Variants in TTC23 observed in about 807,000 individuals in gnomAD.
TTC23 encodes the protein tetratricopeptide repeat domain 23.
In TTC23, 58 loss-of-function variants were observed where a neutral mutation model predicts 55.1. The ratio of observed to expected loss-of-function variants is 1.05; its 90% CI spans 0.85 to 1.31. The LOEUF (loss-of-function observed/expected upper bound fraction) is 1.31. Among genes scored for constraint, TTC23 ranks in the 50% most tolerant of loss-of-function variants. The probability of loss-of-function intolerance (pLI) is 0.00; values close to 1 mark genes in which losing one functional copy is unlikely to be tolerated. For synonymous variants in TTC23, 203 were observed against 199.9 expected (o/e 1.02, Z -0.13); for missense variants, 516 against 534.4 (o/e 0.97, Z 0.34).
intron 12 of TTC23, chr15:99,140,052 C>T (rs1268745852): frequency 1.4e-5 from 3 of 217,980 alleles, no homozygotes; most frequent in Non-Finnish European, 2.8e-5. Flanking sequence ...GAGGAACTTG[C>T]TTTACTGAAT....
At chr15:99,158,159 G>A (rs1421211947) in intron 11 of TTC23, 1 of 152,240 alleles carries the variant, frequency 6.6e-6, no homozygotes, top group African/African-American at 2.4e-5. Context: ...TAACTCAGCA[G>A]TGAGGCCCCA....
chr15:99,184,444 C>T (rs1000943677), intron 9 of TTC23, among the ~76,000 whole-genome samples: 3 of 152,228 alleles, frequency 2.0e-5, no homozygotes, highest in African/African-American at 7.2e-5. Context: ...CCTCTTACAT[C>T]AGCATGACCT....
intron 12 of TTC23, among the ~76,000 whole-genome samples, chr15:99,142,545 T>G (rs2068357399): frequency 1.3e-5 from 2 of 152,168 alleles, no homozygotes; most frequent in African/African-American, 4.8e-5. Flanking sequence ...ACTGTAACAG[T>G]TAGTTGAGAC....
At chr15:99,147,264 C>T (rs1405550674) in intron 12 of TTC23, among the ~76,000 whole-genome samples, 2 of 136,160 alleles carry the variant, frequency 1.5e-5, no homozygotes, top group African/African-American at 2.7e-5. Context: ...CTCGCTCTGT[C>T]ACCCAGGCTG....
rs181099455 is a variant in TTC23, at chr15:99,197,392, A to G, written c.759+2527T>C. The stretch of plus-strand genomic sequence containing the variant: ...GCTGGGATTACAGGTGTGAGCCACC[A>G]CGCCCGGCCTGGTTTCTGTTCTTAT... On this transcript the variant is annotated intron_variant, in intron 9 of 13. Transcript: ENST00000394132. Among the ~76,000 whole-genome samples the G allele has an allele frequency of 1.1e-3, 169 of 151,732 alleles. 1 individual carries two copies. The highest frequency in any genetic ancestry group is 3.4e-3 in the Middle Eastern group (1 of 294).
intron 8 of TTC23, among the ~76,000 whole-genome samples, chr15:99,210,145 GTCA>G (rs2076931254): frequency 6.6e-6 from 1 of 151,914 alleles, no homozygotes; most frequent in Non-Finnish European, 1.5e-5. Context: ...CTAATAACAT[GTCA>G]TTTTAAAACA....
At chr15:99,225,523 C>T (rs1056800740) in intron 5 of TTC23, among the ~76,000 whole-genome samples, 3 of 152,176 alleles carry the variant, frequency 2.0e-5, no homozygotes, top group South Asian at 2.1e-4. Context: ...GGGTCTCTCA[C>T]TGGCAGATAC....
intron 9 of TTC23, among the ~76,000 whole-genome samples, chr15:99,189,774 A>G (rs1490087144): frequency 2.6e-5 from 4 of 152,234 alleles, no homozygotes; most frequent in Non-Finnish European, 5.9e-5. Flanking sequence ...AGCCATGACA[A>G]CTAAATGTAA....
chr15:99,237,715 G>A (rs1194350893), intron 3 of TTC23, among the ~76,000 whole-genome samples: 2 of 152,250 alleles, frequency 1.3e-5, no homozygotes, highest in South Asian at 4.1e-4. Flanking sequence ...ATTACAAGGG[G>A]CATGAGGAAA....
chr15:99,249,712 T>C (rs2080560998), upstream of TTC23: 2 of 152,170 alleles, frequency 1.3e-5, no homozygotes, highest in African/African-American at 2.4e-5. Context: ...GTCTTTTCCT[T>C]GGAATTTTCT....
chr15:99,249,428 C>T lies in TTC23; in HGVS notation c.-688G>A, dbSNP rs1033146208. On this transcript the variant is annotated 5_prime_UTR_variant, in exon 1 of 14. Transcript: ENST00000394132. ...CTGGAGAGGCTCACCGTTTCTTTTT[C>T]GAGCGAATTACACAGTTGTCTTGGC... is the stretch of plus-strand genomic sequence containing the variant. The T allele has an allele frequency of 2.0e-5, 3 of 152,200 alleles. No individual in the cohort carries two copies. Among genetic ancestry groups the T allele is most frequent in the African/African-American group, 7.2e-5 (3 of 41,448 alleles). The allele number at this position is 152,200 out of a possible 1,614,324, so 9.4% of individuals were successfully genotyped here.
At chr15:99,239,315 T>C (rs569717581) in intron 3 of TTC23, among the ~76,000 whole-genome samples, 154 of 152,098 alleles carry the variant, frequency 1.0e-3, no homozygotes, top group African/African-American at 3.6e-3. Context: ...TGAAAACCCA[T>C]CTCTACTAAA....
intron 8 of TTC23, among the ~76,000 whole-genome samples, chr15:99,211,264 A>G (rs2077014130): frequency 6.6e-6 from 1 of 152,176 alleles, no homozygotes; most frequent in Non-Finnish European, 1.5e-5. Context: ...AATCCCAGCT[A>G]CTTGGGAGGC....
chr15:99,168,383 T>G (rs371380305), intron 10 of TTC23, among the ~76,000 whole-genome samples: 2 of 152,074 alleles, frequency 1.3e-5, no homozygotes, highest in East Asian at 3.9e-4. Context: ...CCAGCCCCCC[T>G]CCATGACCAC....
intron 9 of TTC23, among the ~76,000 whole-genome samples, chr15:99,176,992 C>T (rs2073637547): frequency 6.6e-6 from 1 of 152,184 alleles, no homozygotes; most frequent in Admixed American, 6.5e-5. Context: ...TGTGATTCAT[C>T]TATGGCAGCT....
At chr15:99,212,980 A>G in intron 8 of TTC23, among the ~76,000 whole-genome samples, 1 of 98,762 alleles carries the variant, frequency 1.0e-5, no homozygotes, top group African/African-American at 4.2e-5. Context: ...GTAAGACCCT[A>G]TCTCAAAAAA....
chr15:99,210,733 A>T (rs1052538848), intron 8 of TTC23, among the ~76,000 whole-genome samples: 2 of 152,262 alleles, frequency 1.3e-5, no homozygotes, highest in African/African-American at 4.8e-5. Flanking sequence ...AGTTAGATGT[A>T]GAAATTTCTG....
chr15:99,175,545 G>A (rs1282772775), intron 9 of TTC23, among the ~76,000 whole-genome samples: 1 of 152,228 alleles, frequency 6.6e-6, no homozygotes, highest in African/African-American at 2.4e-5. Context: ...CCAAAAGTGG[G>A]ACCTACCGGT....
chr15:99,148,422 T>G (rs2069251766), intron 12 of TTC23: 1 of 136,036 alleles, frequency 7.4e-6, no homozygotes, highest in South Asian at 2.5e-4. Context: ...GCCTACAGCC[T>G]CTGAATAAAA....
Sources: gnomAD v4.1 joint callset for allele counts (sites outside exome capture counted in the v4.1 genomes callset) on GRCh38, gnomAD v4.1.1 for gene constraint, MANE v1.5 for transcripts, NCBI Gene and HGNC (gene_info 2026-07-23, HGNC 2026-07-21) for gene names.